The following ZFX variants were observed in gnomAD, a reference collection of about 807,000 sequenced individuals.
ZFX encodes zinc finger X-chromosomal protein.
For missense variants in ZFX, 362 were observed against 628.3 expected (o/e 0.58, Z 4.53); for synonymous variants, 196 against 226.8 (o/e 0.86, Z 1.22).
At chrX:24,171,127 A>AT (rs1934561474) in intron 3 of ZFX, among the ~76,000 whole-genome samples, 1 of 111,807 alleles carries the variant, frequency 8.9e-6, no homozygotes, top group Non-Finnish European at 1.9e-5. Context: ...AGTAAGACAT[A>AT]TATAAATAAT....
intron 3 of ZFX, among the ~76,000 whole-genome samples, chrX:24,172,190 T>C (rs764744640): frequency 8.9e-6 from 1 of 112,102 alleles, no homozygotes; most frequent in South Asian, 3.7e-4. Context: ...ATTTTTATCA[T>C]TGTGTAATCT....
intron 1 of ZFX, chrX:24,150,146 C>T (rs1220094395): frequency 1.2e-5 from 1 of 84,816 alleles, no homozygotes; most frequent in African/African-American, 4.4e-5. Context: ...GGCCGCAGGC[C>T]GGCCGGGCCG....
intron 5 of ZFX, among the ~76,000 whole-genome samples, chrX:24,193,337 A>G (rs1936670261): frequency 8.9e-6 from 1 of 112,324 alleles, no homozygotes; most frequent in African/African-American, 3.2e-5. Context: ...AGCCAGGCGA[A>G]AAAGACCACA....
At chrX:24,183,980 C>A (rs1352398155) in intron 5 of ZFX, among the ~76,000 whole-genome samples, 1 of 110,390 alleles carries the variant, frequency 9.1e-6, no homozygotes, top group South Asian at 3.9e-4. Flanking sequence ...TGATCTCGAT[C>A]GAACTCCTGA....
intron 5 of ZFX, among the ~76,000 whole-genome samples, chrX:24,182,083 C>T (rs1428391759): frequency 9.0e-6 from 1 of 110,546 alleles, no homozygotes. Context: ...TCAAGGATGA[C>T]CCTAAGTGTT....
chrX:24,163,110 T>C (rs781634688), intron 3 of ZFX, among the ~76,000 whole-genome samples: 10 of 109,773 alleles, frequency 9.1e-5, no homozygotes, highest in Non-Finnish European at 1.7e-4. Flanking sequence ...GTTTCAACTT[T>C]TCAGCATCTG....
rs1411662346 is a variant in ZFX, at chrX:24,214,939, C to G, written c.*3563C>G. The stretch of plus-strand genomic sequence containing the variant: ...CTAACATACTAGGGAATGGTCATTG[C>G]CACAGTTAAAAATCGGCAGTTAAGT... On this transcript the variant is annotated 3_prime_UTR_variant, in exon 10 of 10. Transcript: ENST00000304543. 9.0e-6 allele frequency: 1 copy of G among 111,420 alleles called. No homozygotes were observed. The highest frequency in any genetic ancestry group is 1.9e-5 in the Non-Finnish European group (1 of 53,155). The allele number at this position is 111,420 out of a possible 1,213,427, so 9.2% of individuals were successfully genotyped here.
At chrX:24,185,261 G>A (rs1041470582) in intron 5 of ZFX, among the ~76,000 whole-genome samples, 1 of 110,979 alleles carries the variant, frequency 9.0e-6, no homozygotes, top group Non-Finnish European at 1.9e-5. Context: ...CACCTTGCCC[G>A]GCCTCTACAG....
At position 24,211,392 on chromosome X, in the gene ZFX, A is replaced by C. The variant is rs374127334; in HGVS notation, c.*16A>C. ...CCTGCCCTAACAATACTTCTACAGA[A>C]CGTTTGTAGAGATATTGGCCTTGAA... On this transcript the variant is annotated 3_prime_UTR_variant, in exon 10 of 10. Transcript: ENST00000304543. 1.2e-3 allele frequency: 1,470 copies of C among 1,206,373 alleles called. 5 individuals carry two copies. Among genetic ancestry groups the C allele is most frequent in the South Asian group, 8.8e-3 (494 of 56,380 alleles).
chrX:24,184,818 G>C (rs1264780788), intron 5 of ZFX, among the ~76,000 whole-genome samples: 1 of 111,607 alleles, frequency 9.0e-6, no homozygotes, highest in Non-Finnish European at 1.9e-5. Context: ...ATAATGCAGA[G>C]ATACATTTAA....
intron 3 of ZFX, among the ~76,000 whole-genome samples, chrX:24,166,773 C>A (rs1194285632): frequency 9.0e-6 from 1 of 111,470 alleles, no homozygotes; most frequent in African/African-American, 3.3e-5. Flanking sequence ...AAAAACAAAT[C>A]CAGAGAAACA....
intron 5 of ZFX, among the ~76,000 whole-genome samples, chrX:24,203,822 C>G (rs1056214995): frequency 1.8e-5 from 2 of 111,977 alleles, no homozygotes; most frequent in Non-Finnish European, 3.8e-5. Context: ...CCCATGGCAG[C>G]GATCAGTGCA....
intron 4 of ZFX, chrX:24,173,689 G>A (rs1042311682): frequency 1.6e-6 from 1 of 630,532 alleles, no homozygotes. Context: ...AGGCTCAAGT[G>A]ATCTGCTCAG....
intron 9 of ZFX, among the ~76,000 whole-genome samples, 185 bp from the exon 10 acceptor site, chrX:24,210,008 A>T (rs781108306): frequency 8.1e-4 from 91 of 111,810 alleles, no homozygotes; most frequent in Non-Finnish European, 3.8e-4. Flanking sequence ...TTTCCAGACC[A>T]TTTTCTCTAT....
intron 5 of ZFX, among the ~76,000 whole-genome samples, chrX:24,196,083 A>G (rs1051029081): frequency 5.4e-5 from 6 of 111,006 alleles, no homozygotes; most frequent in African/African-American, 2.0e-4. Context: ...CTTCCAATCT[A>G]TGTTTACTTT....
intron 5 of ZFX, among the ~76,000 whole-genome samples, chrX:24,195,698 G>A (rs996313779): frequency 1.8e-5 from 2 of 111,086 alleles, no homozygotes; most frequent in African/African-American, 6.6e-5. Flanking sequence ...GTTTCACGAT[G>A]TTTTGCCATG....
chrX:24,162,562 C>A (rs985089015), intron 3 of ZFX, among the ~76,000 whole-genome samples: 1 of 111,625 alleles, frequency 9.0e-6, no homozygotes, highest in Non-Finnish European at 1.9e-5. Flanking sequence ...GAGAATACTT[C>A]TAATGTTTTA....
At chrX:24,189,260 C>T (rs774249734) in intron 5 of ZFX, among the ~76,000 whole-genome samples, 3 of 111,877 alleles carry the variant, frequency 2.7e-5, no homozygotes, top group Admixed American at 1.9e-4. Context: ...TCTTGGTTTC[C>T]AGCTTATGCA....
Position 24,213,911 on chromosome X carries a change from T to C in ZFX, c.*2535T>C, listed in dbSNP as rs759166493. The stretch of plus-strand genomic sequence containing the variant: ...AAATGATTGGGTCATTTAACTATAT[T>C]TTTTTAAATAAACTGAAAGATAAAG... On this transcript the variant is annotated 3_prime_UTR_variant, in exon 10 of 10. Coordinates refer to ENST00000304543, the MANE Select transcript of ZFX (RefSeq NM_003410.4). 1 of 111,039 alleles carries C rather than the reference T, an allele frequency of 9.0e-6. No homozygotes were observed. The highest frequency in any genetic ancestry group is 3.8e-4 in the South Asian group (1 of 2,656). The allele number at this position is 111,039 out of a possible 1,213,427, so 9.2% of individuals were successfully genotyped here. A position where few individuals can be genotyped will look rare whatever the true frequency, so the allele number is the denominator to read the frequency against.
Sources: gnomAD v4.1 joint callset for allele counts (sites outside exome capture counted in the v4.1 genomes callset) on GRCh38, gnomAD v4.1.1 for gene constraint, MANE v1.5 for transcripts, NCBI Gene and HGNC (gene_info 2026-07-23, HGNC 2026-07-21) for gene names.